SCHIP1: variants seen among roughly 807,000 people sequenced by gnomAD.
The protein encoded by SCHIP1 is schwannomin-interacting protein 1.
Under a neutral mutation model 29.7 loss-of-function variants are expected in SCHIP1, and 8 were observed. The ratio of observed to expected loss-of-function variants is 0.27; its 90% confidence interval spans 0.16 to 0.49. The LOEUF (loss-of-function observed/expected upper bound fraction) is 0.49. Ranked by LOEUF, SCHIP1 falls within the 20% of genes least tolerant of loss-of-function variation. SCHIP1 has a pLI of 0.99. For synonymous variants in SCHIP1, 76 were observed against 94.9 expected (o/e 0.80, Z 1.16); for missense variants, 193 against 294.6 (o/e 0.66, Z 2.52).
At chr3:159,382,780 C>T in the SCHIP1 span, among the ~76,000 whole-genome samples, 1 of 152,320 alleles carries the variant, frequency 6.6e-6, no homozygotes, top group East Asian at 1.9e-4. Context: ...TGTTTCTTGA[C>T]CTTTTAATGA....
chr3:159,716,765 C>T, the SCHIP1 span, among the ~76,000 whole-genome samples: 1 of 152,178 alleles, frequency 6.6e-6, no homozygotes, highest in African/African-American at 2.4e-5. Context: ...TACGAAGAGA[C>T]TTAGACTCCC....
the SCHIP1 span, among the ~76,000 whole-genome samples, chr3:159,362,266 G>T: frequency 1.3e-5 from 2 of 152,168 alleles, no homozygotes; most frequent in African/African-American, 2.4e-5. Flanking sequence ...GTAAGGTAAG[G>T]ACTTACTGGA....
the SCHIP1 span, among the ~76,000 whole-genome samples, chr3:159,424,118 C>T: frequency 6.6e-6 from 1 of 150,406 alleles, no homozygotes; most frequent in African/African-American, 2.4e-5. Flanking sequence ...AAACTGGAAA[C>T]TCTAAAAAGC....
the SCHIP1 span, among the ~76,000 whole-genome samples, chr3:159,508,183 G>A: frequency 2.0e-5 from 3 of 152,140 alleles, no homozygotes; most frequent in African/African-American, 7.2e-5. Flanking sequence ...CTTCTTCTTG[G>A]TTTAGTCTTG....
At chr3:159,817,577 T>C in the SCHIP1 span, among the ~76,000 whole-genome samples, 1 of 148,898 alleles carries the variant, frequency 6.7e-6, no homozygotes, top group African/African-American at 2.4e-5. Flanking sequence ...TCTTCATGGA[T>C]TACTAAAAAA....
At chr3:159,451,550 T>C in the SCHIP1 span, among the ~76,000 whole-genome samples, 1 of 152,258 alleles carries the variant, frequency 6.6e-6, no homozygotes, top group African/African-American at 2.4e-5. Flanking sequence ...ACCATTTCTG[T>C]TGGATTCATC....
chr3:159,665,261 C>A, the SCHIP1 span, among the ~76,000 whole-genome samples: 2 of 152,156 alleles, frequency 1.3e-5, no homozygotes, highest in African/African-American at 4.8e-5. Context: ...CCCACTGTTT[C>A]CCAAAACTGG....
chr3:159,716,428 A>G, the SCHIP1 span, among the ~76,000 whole-genome samples: 1 of 152,238 alleles, frequency 6.6e-6, no homozygotes. Context: ...AATGGGCTAA[A>G]TGCTCCAATT....
the SCHIP1 span, among the ~76,000 whole-genome samples, chr3:159,817,211 A>G: frequency 2.6e-5 from 4 of 152,246 alleles, no homozygotes; most frequent in Non-Finnish European, 4.4e-5. Flanking sequence ...CAGAAATATA[A>G]CCAATACTTA....
At chr3:159,768,915 T>C in the SCHIP1 span, among the ~76,000 whole-genome samples, 1 of 152,214 alleles carries the variant, frequency 6.6e-6, no homozygotes, top group Non-Finnish European at 1.5e-5. Flanking sequence ...AAGTGCCCCT[T>C]CCATGGGCAG....
chr3:159,450,944 G>A, the SCHIP1 span, among the ~76,000 whole-genome samples: 16 of 151,798 alleles, frequency 1.1e-4, no homozygotes, highest in Non-Finnish European at 1.6e-4. Context: ...GAGTAGCTGG[G>A]ACTACAGGCA....
chr3:159,541,016 T>C, the SCHIP1 span, among the ~76,000 whole-genome samples: 1,460 of 152,186 alleles, frequency 9.6e-3, 8 homozygotes, highest in Admixed American at 0.014. Context: ...ATTGCTTTGA[T>C]AAAATACTGC....
At chr3:159,779,628 G>A in the SCHIP1 span, among the ~76,000 whole-genome samples, 16 of 151,522 alleles carry the variant, frequency 1.1e-4, no homozygotes, top group African/African-American at 2.4e-4. Flanking sequence ...AGCCAAGATC[G>A]CACCATGGCA....
At chr3:159,532,879 G>C in the SCHIP1 span, among the ~76,000 whole-genome samples, 743 of 152,278 alleles carry the variant, frequency 4.9e-3, 4 homozygotes, top group Middle Eastern at 0.027. Context: ...TGAGTGAGCT[G>C]TAAGTCCCAA....
the SCHIP1 span, among the ~76,000 whole-genome samples, chr3:159,352,428 G>T: frequency 6.6e-6 from 1 of 152,184 alleles, no homozygotes; most frequent in Admixed American, 6.5e-5. Flanking sequence ...AAGTGATAGA[G>T]AAATCTTGCG....
the SCHIP1 span, among the ~76,000 whole-genome samples, chr3:159,712,269 A>C: frequency 1.3e-5 from 2 of 152,162 alleles, no homozygotes; most frequent in African/African-American, 4.8e-5. Flanking sequence ...GGGGGTGGGG[A>C]GTGACAATAT....
At chr3:159,768,872 G>A in the SCHIP1 span, among the ~76,000 whole-genome samples, 1 of 152,144 alleles carries the variant, frequency 6.6e-6, no homozygotes, top group African/African-American at 2.4e-5. Flanking sequence ...GAGAGGGTGA[G>A]GGGCTCTACC....
chr3:159,353,588 G>A, the SCHIP1 span, among the ~76,000 whole-genome samples: 105 of 152,102 alleles, frequency 6.9e-4, 1 homozygote, highest in Non-Finnish European at 8.4e-4. Context: ...CTTGTCTGTC[G>A]TATACAAAAG....
chr3:159,572,251 G>C, the SCHIP1 span, among the ~76,000 whole-genome samples: 1 of 151,966 alleles, frequency 6.6e-6, no homozygotes, highest in Non-Finnish European at 1.5e-5. Context: ...TTCTCTTGTG[G>C]GCATTTAGTG....
Sources: allele counts gnomAD v4.1 joint callset (sites outside exome capture counted in the v4.1 genomes callset), GRCh38; gene constraint gnomAD v4.1.1; transcripts MANE v1.5; gene names NCBI Gene and HGNC (gene_info 2026-07-23, HGNC 2026-07-21).